ANKRD36: variants seen among roughly 807,000 people sequenced by gnomAD.
ANKRD36 encodes ankyrin repeat domain 36, also known as ankyrin repeat domain-containing protein 36A.
Under a neutral mutation model 278.1 loss-of-function variants are expected in ANKRD36, and 179 were observed. The observed-to-expected ratio is 0.64, with a 90% CI of 0.57 to 0.73. ANKRD36 has a LOEUF of 0.73. ANKRD36 is among the 30% of genes least tolerant of loss of function. The pLI is 0.00. For synonymous variants in ANKRD36, 320 were observed against 641.1 expected, an observed-to-expected ratio of 0.50 and a Z score of 7.57; for missense variants, 1,159 against 1,956.7, an observed-to-expected ratio of 0.59 and a Z score of 7.69.
chr2:97,201,576 A>T (rs2061386438), intron 46 of ANKRD36, among the ~76,000 whole-genome samples: 1 of 151,938 alleles, frequency 6.6e-6, no homozygotes, highest in East Asian at 1.9e-4. Flanking sequence ...GGAAGTCTAA[A>T]CTAGTGGATA....
At position 97,159,927 on chromosome 2, in the gene ANKRD36, G is replaced by A. The variant is rs1162120004; in HGVS notation, c.1389+1272G>A. ...CTCGCGAGTAGCTGGGACTATAGGC[G>A]CCCGCCATCACGCCCGGCTAATTTT... is the stretch of plus-strand genomic sequence containing the variant. On this transcript the variant is annotated intron_variant, in intron 17 of 75. Coordinates refer to ENST00000420699, the MANE Select transcript of ANKRD36 (RefSeq NM_001354587.1). Among the ~76,000 whole-genome samples, 10 of 152,070 alleles carry A rather than the reference G, an allele frequency of 6.6e-5. No individual in the cohort carries two copies. The South Asian group carries it at 8.3e-4, about 13-fold the overall frequency.
intron 15 of ANKRD36, among the ~76,000 whole-genome samples, chr2:97,155,161 A>T (rs931187620): frequency 7.2e-6 from 1 of 139,570 alleles, no homozygotes; most frequent in African/African-American, 2.5e-5. Flanking sequence ...ATGACTTATT[A>T]TGGGAATCAT....
intron 6 of ANKRD36, among the ~76,000 whole-genome samples, chr2:97,128,178 A>T (rs2039118266): frequency 6.6e-6 from 1 of 150,994 alleles, no homozygotes; most frequent in African/African-American, 2.4e-5. Context: ...CTGAGGTTGG[A>T]GATGCAGACG....
intron 8 of ANKRD36, among the ~76,000 whole-genome samples, chr2:97,144,025 G>A (rs958049084): frequency 2.6e-5 from 4 of 152,142 alleles, no homozygotes; most frequent in African/African-American, 7.2e-5. Context: ...CACTTGGGAA[G>A]TGTACATTCA....
intron 22 of ANKRD36, among the ~76,000 whole-genome samples, chr2:97,170,563 A>T (rs1006740850): frequency 6.6e-6 from 1 of 152,026 alleles, no homozygotes; most frequent in Non-Finnish European, 1.5e-5. Flanking sequence ...TCAATTCAAG[A>T]TGGATTAAAG....
intron 8 of ANKRD36, among the ~76,000 whole-genome samples, chr2:97,143,603 A>T (rs1574862136): frequency 6.6e-6 from 1 of 152,226 alleles, no homozygotes; most frequent in Admixed American, 6.6e-5. Flanking sequence ...TAACTTTTGG[A>T]TAAAATAGCA....
intron 10 of ANKRD36, 95 bp downstream of exon 10, chr2:97,144,807 A>G (rs371695723): frequency 1.1e-5 from 14 of 1,300,648 alleles, no homozygotes; most frequent in Non-Finnish European, 1.5e-5. Flanking sequence ...GAAGCTGCGC[A>G]TTCTGATTCA....
At chr2:97,123,263 T>C (rs2037422538) in intron 4 of ANKRD36, among the ~76,000 whole-genome samples, 1 of 149,210 alleles carries the variant, frequency 6.7e-6, no homozygotes, top group East Asian at 1.9e-4. Context: ...TGTATATTGA[T>C]AGATGTTTGT....
chr2:97,209,479 G>A (rs1320437579), intron 54 of ANKRD36, among the ~76,000 whole-genome samples: 1 of 146,246 alleles, frequency 6.8e-6, no homozygotes, highest in South Asian at 2.1e-4. Flanking sequence ...GTTTGAAATT[G>A]TAAGGGTATA....
chr2:97,149,164 C>A lies in ANKRD36; in HGVS notation c.1035-131C>A, dbSNP rs756406529. On this transcript the variant is annotated intron_variant, in intron 11 of 75. Transcript: ENST00000420699. Reference sequence around the variant, plus strand: ...ATACCAAGAAATATTATTTAACATGCAGATAACTGAGTTTCCTCAGACTTT... The same window carrying A: ...ATACCAAGAAATATTATTTAACATGAAGATAACTGAGTTTCCTCAGACTTT... 9.8e-4 allele frequency: 686 copies of A among 699,290 alleles called. 7 individuals are homozygous for A. The highest frequency in any genetic ancestry group is 1.5e-3 in the Non-Finnish European group (618 of 413,698). The allele number at this position is 699,290 out of a possible 1,614,324, so 43.3% of individuals were successfully genotyped here.
intron 64 of ANKRD36, among the ~76,000 whole-genome samples, chr2:97,218,322 T>A (rs7587602): frequency 3.7e-5 from 5 of 135,752 alleles, no homozygotes; most frequent in South Asian, 5.9e-4. Context: ...ATGCCTGGAG[T>A]AATTCCATTT....
intron 6 of ANKRD36, among the ~76,000 whole-genome samples, chr2:97,133,828 C>T (rs899382604): frequency 1.3e-5 from 2 of 151,828 alleles, no homozygotes; most frequent in African/African-American, 4.8e-5. Context: ...TTTTCATATA[C>T]GCCATCCCCC....
intron 46 of ANKRD36, among the ~76,000 whole-genome samples, chr2:97,201,930 T>A (rs1361552528): frequency 9.2e-5 from 14 of 151,768 alleles, no homozygotes; most frequent in Admixed American, 8.5e-4. Context: ...ACTCGGCATA[T>A]CCACATTGAT....
At chr2:97,116,927 A>G (rs1424114873) in intron 1 of ANKRD36, among the ~76,000 whole-genome samples, 3 of 152,074 alleles carry the variant, frequency 2.0e-5, no homozygotes, top group Non-Finnish European at 2.9e-5. Context: ...TAGCAGACAG[A>G]TTCCACCATC....
intron 40 of ANKRD36, among the ~76,000 whole-genome samples, chr2:97,196,088 C>G (rs2059682594): frequency 6.6e-6 from 1 of 151,976 alleles, no homozygotes. Context: ...GACACTTCCA[C>G]TGAAGAGATG....
intron 67 of ANKRD36, among the ~76,000 whole-genome samples, chr2:97,231,958 A>G (rs1166050031): frequency 6.6e-6 from 1 of 152,044 alleles, no homozygotes; most frequent in Non-Finnish European, 1.5e-5. Context: ...GTCATCTCCT[A>G]ATTCATTTTT....
chr2:97,136,114 G>A (rs896304182), intron 6 of ANKRD36, among the ~76,000 whole-genome samples: 2 of 150,364 alleles, frequency 1.3e-5, no homozygotes, highest in South Asian at 2.2e-4. Context: ...CACCTCCTGG[G>A]ATGTGAGAGG....
chr2:97,161,410 C>G (rs571023717), intron 17 of ANKRD36, among the ~76,000 whole-genome samples: 1 of 152,028 alleles, frequency 6.6e-6, no homozygotes, highest in African/African-American at 2.4e-5. Flanking sequence ...ATACCTTTAA[C>G]CATTTCTCAT....
chr2:97,125,364 A>G (rs547950916), intron 5 of ANKRD36, among the ~76,000 whole-genome samples: 1,791 of 131,944 alleles, frequency 0.014, 38 homozygotes, highest in African/African-American at 0.041. Context: ...TTCTAACTTT[A>G]TCAACACACA....
Sources: gnomAD v4.1 joint callset for allele counts (sites outside exome capture counted in the v4.1 genomes callset) on GRCh38, gnomAD v4.1.1 for gene constraint, MANE v1.5 for transcripts, NCBI Gene and HGNC (gene_info 2026-07-23, HGNC 2026-07-21) for gene names.